PRKCE: variants seen among roughly 807,000 people sequenced by gnomAD.
PRKCE encodes protein kinase C epsilon, also known as protein kinase C epsilon type.
Under a neutral mutation model 85.4 loss-of-function variants are expected in PRKCE, and 16 were observed. That is an observed-to-expected ratio of 0.19 (90% CI 0.13 to 0.28). The LOEUF is 0.28. Ranked by LOEUF, PRKCE falls within the 10% of genes least tolerant of loss-of-function variation. PRKCE has a pLI of 1.00. For synonymous variants in PRKCE, 388 were observed against 371.5 expected (o/e 1.04, Z -0.51); for missense variants, 573 against 975.2 (o/e 0.59, Z 5.49).
chr2:46,067,642 A>T (rs1194993803), intron 10 of PRKCE, among the ~76,000 whole-genome samples: 1 of 152,214 alleles, frequency 6.6e-6, no homozygotes, highest in African/African-American at 2.4e-5. Context: ...TGTTGCAGGA[A>T]CGCTGCTTGC....
chr2:45,686,514 C>T (rs1262488655), intron 1 of PRKCE, among the ~76,000 whole-genome samples: 1 of 152,012 alleles, frequency 6.6e-6, no homozygotes, highest in Non-Finnish European at 1.5e-5. Context: ...CTATTTATTA[C>T]AAATGATAAG....
intron 9 of PRKCE, among the ~76,000 whole-genome samples, chr2:46,008,659 G>C (rs1705405912): frequency 6.6e-6 from 1 of 152,156 alleles, no homozygotes; most frequent in African/African-American, 2.4e-5. Context: ...ATCTCACCCT[G>C]ATACCACTCT....
At chr2:46,113,795 C>T (rs1458702122) in intron 11 of PRKCE, among the ~76,000 whole-genome samples, 3 of 152,138 alleles carry the variant, frequency 2.0e-5, no homozygotes, top group African/African-American at 4.8e-5. Flanking sequence ...GGTGGCATGA[C>T]ATGTGACCCC....
At chr2:45,991,358 C>A (rs558013411) in intron 6 of PRKCE, among the ~76,000 whole-genome samples, 15 of 144,608 alleles carry the variant, frequency 1.0e-4, no homozygotes, top group African/African-American at 3.4e-4. Context: ...TCCATGAGGA[C>A]AGAGATTTTT....
In PRKCE at chr2:46,185,743, A is replaced by G. The variant is rs1680405354; in HGVS notation, c.*862A>G. On this transcript the variant is annotated 3_prime_UTR_variant, in exon 15 of 15. Transcript: ENST00000306156. This position sits in a 1 kb window ranked among gnomAD's most constrained non-coding sequence, Gnocchi z 4.7. ...ATGAGAGCTGTATGAATTGAGAGAA[A>G]AGGCAACAAGTAGCATTCTTCATCA... is the stretch of plus-strand genomic sequence containing the variant. The G allele has an allele frequency of 6.6e-6, 1 of 152,194 alleles. No individual in the cohort carries two copies. The highest frequency in any genetic ancestry group is 2.4e-5 in the African/African-American group (1 of 41,444). 9.4% of individuals were successfully genotyped at this position (152,194 alleles called of 1,614,324 possible).
intron 2 of PRKCE, among the ~76,000 whole-genome samples, chr2:45,872,416 C>G (rs1694167490): frequency 6.6e-6 from 1 of 152,176 alleles, no homozygotes; most frequent in Non-Finnish European, 1.5e-5. Context: ...GGACTCTGAC[C>G]TTGGCTCTGA....
At chr2:46,039,713 T>A (rs1229767436) in intron 10 of PRKCE, among the ~76,000 whole-genome samples, 1 of 152,196 alleles carries the variant, frequency 6.6e-6, no homozygotes. Flanking sequence ...TTTCCTGTTG[T>A]TTATTCCAGA....
intron 14 of PRKCE, among the ~76,000 whole-genome samples, chr2:46,170,487 G>C (rs1678786862): frequency 6.6e-6 from 1 of 152,228 alleles, no homozygotes; most frequent in African/African-American, 2.4e-5. Flanking sequence ...GCAATCAAGG[G>C]AGAGAGTTAC....
At chr2:45,731,161 T>C (rs1218222338) in intron 1 of PRKCE, among the ~76,000 whole-genome samples, 1 of 152,154 alleles carries the variant, frequency 6.6e-6, no homozygotes, top group Admixed American at 6.5e-5. Flanking sequence ...TAGTTAGCAT[T>C]GGCCTTTGTG....
chr2:45,798,712 C>T (rs182244190), intron 1 of PRKCE, among the ~76,000 whole-genome samples: 7 of 149,186 alleles, frequency 4.7e-5, no homozygotes, highest in African/African-American at 1.5e-4. Flanking sequence ...TTTATTAAAT[C>T]GAGAATTTAT....
chr2:46,165,867 G>T (rs1678289174), intron 14 of PRKCE, among the ~76,000 whole-genome samples: 1 of 152,228 alleles, frequency 6.6e-6, no homozygotes, highest in Non-Finnish European at 1.5e-5. Context: ...GTTGTCCTCA[G>T]TGAAAGCCAG....
chr2:45,681,018 C>CG (rs945534389), intron 1 of PRKCE, among the ~76,000 whole-genome samples: 2 of 152,070 alleles, frequency 1.3e-5, no homozygotes, highest in Non-Finnish European at 2.9e-5. Flanking sequence ...GGGCTGAGTG[C>CG]GGTGGCGCAC....
At chr2:46,154,081 G>T (rs1024704508) in intron 13 of PRKCE, among the ~76,000 whole-genome samples, 2 of 151,970 alleles carry the variant, frequency 1.3e-5, no homozygotes, top group East Asian at 1.9e-4. Flanking sequence ...CTCCACGCCC[G>T]GCCTGGGTAT....
chr2:46,137,883 C>T (rs1427094188), intron 11 of PRKCE, among the ~76,000 whole-genome samples: 1 of 152,162 alleles, frequency 6.6e-6, no homozygotes, highest in Non-Finnish European at 1.5e-5. Context: ...TACCAGTTCT[C>T]CCTCAGTCTT....
At chr2:46,043,472 A>G (rs1708336619) in intron 10 of PRKCE, among the ~76,000 whole-genome samples, 2 of 152,228 alleles carry the variant, frequency 1.3e-5, no homozygotes, top group Admixed American at 6.5e-5. Flanking sequence ...TTATGTTACA[A>G]ATGTTTTAAC....
intron 14 of PRKCE, chr2:46,167,969 C>G (rs963561667): frequency 3.9e-5 from 6 of 152,166 alleles, no homozygotes; most frequent in Non-Finnish European, 7.3e-5. Context: ...GCATCTTTGA[C>G]TCTGGACAAG....
chr2:45,868,949 T>A (rs905071292), intron 2 of PRKCE, among the ~76,000 whole-genome samples: 1 of 127,108 alleles, frequency 7.9e-6, no homozygotes, highest in African/African-American at 2.9e-5. Context: ...CAGAGCAACA[T>A]CCTGTCTCAA....
intron 11 of PRKCE, among the ~76,000 whole-genome samples, chr2:46,117,106 T>C (rs1426325120): frequency 6.6e-6 from 1 of 152,214 alleles, no homozygotes; most frequent in African/African-American, 2.4e-5. Context: ...AATCTGCCAC[T>C]GAGCTCTTCC....
At chr2:45,681,981 C>T (rs1216385598) in intron 1 of PRKCE, among the ~76,000 whole-genome samples, 1 of 152,192 alleles carries the variant, frequency 6.6e-6, no homozygotes, top group East Asian at 1.9e-4. Flanking sequence ...GGGTTCTCCT[C>T]GCCATTCAAA....
Sources: gnomAD v4.1 joint callset for allele counts (sites outside exome capture counted in the v4.1 genomes callset) on GRCh38, gnomAD v4.1.1 for gene constraint, Gnocchi (gnomAD v3.1) non-coding constraint, MANE v1.5 for transcripts, NCBI Gene and HGNC (gene_info 2026-07-23, HGNC 2026-07-21) for gene names.